Variants in FCHO2 observed in about 807,000 individuals in gnomAD.
The protein encoded by FCHO2 is FCH and mu domain containing endocytic adaptor 2.
In FCHO2, 43 loss-of-function variants were observed where a neutral mutation model predicts 114.1. The ratio of observed to expected loss-of-function variants is 0.38; its 90% CI spans 0.30 to 0.49. FCHO2 has a LOEUF of 0.49. FCHO2 is among the 20% of genes least tolerant of loss of function. FCHO2 has a pLI of 0.97. For synonymous variants in FCHO2, 293 were observed against 315.2 expected, an observed-to-expected ratio of 0.93 and a Z score of 0.75; for missense variants, 807 against 950.4, an observed-to-expected ratio of 0.85 and a Z score of 1.98.
At chr5:73,047,320 G>A (rs562914392) in intron 11 of FCHO2, among the ~76,000 whole-genome samples, 11 of 151,752 alleles carry the variant, frequency 7.2e-5, no homozygotes, top group South Asian at 2.1e-4. Context: ...AGAAGTGTTC[G>A]TCTTTCCTGT....
Position 72,968,497 on chromosome 5 carries a change from G to A in FCHO2, c.34-1G>A, listed in dbSNP as rs1369209196. ...AAACTAAAAATCTTTTTAAATTTTA[G>A]GGGGAAAAAAATAGTGGCTTTGATG... On this transcript the variant is annotated splice_acceptor_variant, in intron 1 of 25. Transcript: ENST00000430046. LOFTEE classifies it high-confidence loss of function. 3 of 1,498,996 alleles carry A rather than the reference G, an allele frequency of 2.0e-6. No individual in the cohort carries two copies. Among genetic ancestry groups the A allele is most frequent in the African/African-American group, 1.5e-5 (1 of 68,632 alleles). 92.9% of individuals were successfully genotyped at this position (1,498,996 alleles called of 1,614,324 possible).
intron 8 of FCHO2, chr5:73,021,291 A>G: frequency 2.0e-6 from 1 of 502,128 alleles, no homozygotes; most frequent in Non-Finnish European, 3.7e-6. Context: ...ACCACTGGGG[A>G]GCTCCTATGG....
At chr5:73,007,433 G>A (rs1754776869) in intron 6 of FCHO2, among the ~76,000 whole-genome samples, 1 of 152,184 alleles carries the variant, frequency 6.6e-6, no homozygotes, top group Non-Finnish European at 1.5e-5. Context: ...GTTTATGAGA[G>A]CAAGGATGGA....
At chr5:73,080,705 C>T (rs1743065173) in intron 22 of FCHO2, among the ~76,000 whole-genome samples, 1 of 152,066 alleles carries the variant, frequency 6.6e-6, no homozygotes, top group African/African-American at 2.4e-5. Context: ...CAAAAAAGTG[C>T]TGCCACTTAA....
At chr5:73,027,020 T>TTG (rs1755973691) in intron 8 of FCHO2, among the ~76,000 whole-genome samples, 1 of 125,234 alleles carries the variant, frequency 8.0e-6, no homozygotes, top group African/African-American at 2.9e-5. Context: ...GTTTGTTTGT[T>TTG]TTTTTTTTTT....
chr5:72,993,889 G>T (rs1753938799), intron 5 of FCHO2, among the ~76,000 whole-genome samples: 1 of 152,200 alleles, frequency 6.6e-6, no homozygotes. Context: ...ATGGGGAAAG[G>T]ATTCCCTATT....
At chr5:73,066,840 T>C (rs1322549201) in intron 18 of FCHO2, among the ~76,000 whole-genome samples, 1 of 151,960 alleles carries the variant, frequency 6.6e-6, no homozygotes, top group Non-Finnish European at 1.5e-5. Flanking sequence ...TGTGTATTAT[T>C]AACAAGCCCT....
At chr5:72,966,073 G>A (rs1343311567) in intron 1 of FCHO2, among the ~76,000 whole-genome samples, 2 of 152,038 alleles carry the variant, frequency 1.3e-5, no homozygotes, top group African/African-American at 4.8e-5. Flanking sequence ...TTCAAATCTT[G>A]GACTCACCAA....
chr5:73,070,581 T>C (rs77036360), intron 19 of FCHO2, among the ~76,000 whole-genome samples: 14 of 150,526 alleles, frequency 9.3e-5, no homozygotes, highest in South Asian at 2.1e-4. Context: ...TTTTTTTTTT[T>C]CCAGTTATCT....
intron 18 of FCHO2, among the ~76,000 whole-genome samples, chr5:73,067,529 A>T (rs1176189592): frequency 1.3e-5 from 2 of 152,080 alleles, no homozygotes; most frequent in Non-Finnish European, 2.9e-5. Flanking sequence ...TTTTGCAGTA[A>T]AATGACAGTT....
chr5:72,979,690 C>T (rs1029071465), intron 2 of FCHO2, among the ~76,000 whole-genome samples: 10 of 151,868 alleles, frequency 6.6e-5, no homozygotes, highest in Non-Finnish European at 8.8e-5. Flanking sequence ...CGCGCCCGGC[C>T]GAATTTATCA....
At chr5:72,966,044 A>G (rs777910122) in intron 1 of FCHO2, among the ~76,000 whole-genome samples, 2 of 152,154 alleles carry the variant, frequency 1.3e-5, no homozygotes, top group African/African-American at 2.4e-5. Context: ...ACAATATACA[A>G]TCTATCTTCT....
intron 6 of FCHO2, among the ~76,000 whole-genome samples, chr5:73,007,720 T>C (rs893298858): frequency 6.6e-6 from 1 of 152,178 alleles, no homozygotes; most frequent in Non-Finnish European, 1.5e-5. Flanking sequence ...AAGACAAATA[T>C]CTCCGTGCTT....
intron 16 of FCHO2, 98 bp downstream of exon 16, chr5:73,056,205 C>A: frequency 6.9e-6 from 6 of 865,500 alleles, no homozygotes; most frequent in Non-Finnish European, 1.1e-5. Flanking sequence ...AGAGATTTCC[C>A]TTTATGCTCC....
intron 2 of FCHO2, among the ~76,000 whole-genome samples, chr5:72,982,948 C>T (rs1753299116): frequency 6.7e-6 from 1 of 149,118 alleles, no homozygotes; most frequent in African/African-American, 2.5e-5. Context: ...GAGTATCTCT[C>T]TGTCGCCGAG....
At chr5:72,956,444 GCCGCGCT>G (rs1360329934) in intron 1 of FCHO2, among the ~76,000 whole-genome samples, 3 of 151,708 alleles carry the variant, frequency 2.0e-5, no homozygotes, top group African/African-American at 7.2e-5. Context: ...GGCTCCCGGT[GCCGCGCT>G]CCGCGCGGGG....
intron 2 of FCHO2, among the ~76,000 whole-genome samples, chr5:72,985,623 C>G (rs999237667): frequency 7.9e-5 from 12 of 152,080 alleles, no homozygotes; most frequent in African/African-American, 2.9e-4. Flanking sequence ...TATATTTTTG[C>G]TGGGTATGGA....
chr5:73,087,500 TG>T, intron 24 of FCHO2, 88 bp from the exon 25 acceptor site: 1 of 1,423,576 alleles, frequency 7.0e-7, no homozygotes, highest in Non-Finnish European at 9.7e-7. Context: ...AGCACAGGAC[TG>T]ATGTAGTTTA....
chr5:72,995,036 G>C (rs1435827723), intron 5 of FCHO2, among the ~76,000 whole-genome samples: 1 of 152,024 alleles, frequency 6.6e-6, no homozygotes, highest in Non-Finnish European at 1.5e-5. Flanking sequence ...CCTGGATGAC[G>C]CATAAGCTGT....
Sources: gnomAD v4.1 joint callset for allele counts (sites outside exome capture counted in the v4.1 genomes callset) on GRCh38, gnomAD v4.1.1 for gene constraint, MANE v1.5 for transcripts, NCBI Gene and HGNC (gene_info 2026-07-23, HGNC 2026-07-21) for gene names.